The following ARHGAP15 variants were observed in gnomAD, a reference collection of about 807,000 sequenced individuals.
The protein encoded by ARHGAP15 is Rho GTPase activating protein 15.
ARHGAP15 carries 51 observed loss-of-function variants against 63.7 expected under a neutral mutation model. The observed-to-expected ratio is 0.80, with a 90% CI of 0.64 to 1.01. The LOEUF (loss-of-function observed/expected upper bound fraction) is 1.01. ARHGAP15 is among the 50% of genes least tolerant of loss of function. ARHGAP15 has a pLI of 0.00. For missense variants in ARHGAP15, 560 were observed against 564.6 expected (o/e 0.99, Z 0.08); for synonymous variants, 191 against 193.8 (o/e 0.99, Z 0.12).
At chr2:143,140,383 C>T (rs1001638737) in intron 1 of ARHGAP15, among the ~76,000 whole-genome samples, 1 of 152,054 alleles carries the variant, frequency 6.6e-6, no homozygotes, top group Non-Finnish European at 1.5e-5. Flanking sequence ...TAATATTTAT[C>T]ACATAAAACA....
chr2:143,383,003 C>G (rs1486378583), intron 6 of ARHGAP15, among the ~76,000 whole-genome samples: 1 of 152,142 alleles, frequency 6.6e-6, no homozygotes, highest in Non-Finnish European at 1.5e-5. Flanking sequence ...AGAAAATTAT[C>G]AAGTACCAGT....
chr2:143,229,065 G>A (rs992543814), intron 5 of ARHGAP15, among the ~76,000 whole-genome samples: 1 of 151,990 alleles, frequency 6.6e-6, no homozygotes, highest in South Asian at 2.1e-4. Context: ...ATGATACTAT[G>A]GGAAGCTGTT....
At chr2:143,409,917 C>A (rs1426463621) in intron 6 of ARHGAP15, among the ~76,000 whole-genome samples, 1 of 152,090 alleles carries the variant, frequency 6.6e-6, no homozygotes, top group African/African-American at 2.4e-5. Flanking sequence ...GTATCCCTGT[C>A]ATTAAGTGAT....
chr2:143,241,700 T>A (rs951600747), intron 5 of ARHGAP15, among the ~76,000 whole-genome samples: 9 of 152,244 alleles, frequency 5.9e-5, no homozygotes, highest in African/African-American at 1.9e-4. Context: ...ACACACATTT[T>A]GGTGGAGAAC....
At position 143,288,138 on chromosome 2, in the gene ARHGAP15, T is replaced by C. The variant is rs372477525; in HGVS notation, c.474+37538T>C. 3.7e-4 allele frequency among the ~76,000 whole-genome samples: 57 copies of C among 152,300 alleles called. No homozygotes were observed. In the East Asian group the frequency reaches 4.1e-3, roughly 11 times the overall value. On this transcript the variant is annotated intron_variant, in intron 6 of 13. Coordinates refer to ENST00000295095, the MANE Select transcript of ARHGAP15 (RefSeq NM_018460.4). ...AGCCCATATGGGAAAAAGTGCCATGTGATTCAATAGTATATAAATCGGCCT... is the reference window on the plus strand; with the variant it reads ...AGCCCATATGGGAAAAAGTGCCATGCGATTCAATAGTATATAAATCGGCCT...
chr2:143,539,032 T>C (rs1259676290), intron 10 of ARHGAP15, among the ~76,000 whole-genome samples: 1 of 152,210 alleles, frequency 6.6e-6, no homozygotes, highest in Non-Finnish European at 1.5e-5. Flanking sequence ...GTTGGTAAGC[T>C]ATTAATTATT....
At chr2:143,160,036 C>T (rs933110468) in intron 2 of ARHGAP15, among the ~76,000 whole-genome samples, 4 of 151,820 alleles carry the variant, frequency 2.6e-5, no homozygotes, top group African/African-American at 4.8e-5. Context: ...GCATTCTCAG[C>T]GCTCAGGGTA....
intron 8 of ARHGAP15, among the ~76,000 whole-genome samples, chr2:143,474,459 A>C (rs1398564368): frequency 6.6e-6 from 1 of 152,222 alleles, no homozygotes; most frequent in Non-Finnish European, 1.5e-5. Context: ...ATTTAGATTT[A>C]AATCTAAAAT....
At chr2:143,553,517 T>C (rs1209958306) in intron 10 of ARHGAP15, among the ~76,000 whole-genome samples, 1 of 152,226 alleles carries the variant, frequency 6.6e-6, no homozygotes, top group Non-Finnish European at 1.5e-5. Context: ...GTGACTCAGG[T>C]CTACAACCAC....
At chr2:143,164,328 C>T (rs1690415066) in intron 2 of ARHGAP15, among the ~76,000 whole-genome samples, 1 of 151,940 alleles carries the variant, frequency 6.6e-6, no homozygotes. Flanking sequence ...ACATGTAAGG[C>T]AAATACATTT....
At chr2:143,210,934 G>A (rs530698517) in intron 3 of ARHGAP15, among the ~76,000 whole-genome samples, 1 of 151,276 alleles carries the variant, frequency 6.6e-6, no homozygotes, top group African/African-American at 2.4e-5. Context: ...ATTTACATCA[G>A]ACAAAAACAT....
intron 9 of ARHGAP15, among the ~76,000 whole-genome samples, chr2:143,494,221 C>T (rs1351882357): frequency 2.0e-5 from 3 of 152,088 alleles, no homozygotes; most frequent in Non-Finnish European, 2.9e-5. Context: ...ATTAGATCAT[C>T]TGAATTGATG....
chr2:143,737,175 A>G (rs1685777571), intron 13 of ARHGAP15, among the ~76,000 whole-genome samples: 1 of 152,210 alleles, frequency 6.6e-6, no homozygotes, highest in African/African-American at 2.4e-5. Flanking sequence ...ATTGGTCAAT[A>G]TGTTTTACGG....
At chr2:143,138,997 G>C (rs372532808) in intron 1 of ARHGAP15, among the ~76,000 whole-genome samples, 1 of 151,838 alleles carries the variant, frequency 6.6e-6, no homozygotes, top group Non-Finnish European at 1.5e-5. Context: ...TGGATGCCAC[G>C]GCTCTAAACC....
At chr2:143,452,344 A>G (rs1690444797) in intron 8 of ARHGAP15, among the ~76,000 whole-genome samples, 1 of 151,940 alleles carries the variant, frequency 6.6e-6, no homozygotes, top group Admixed American at 6.6e-5. Flanking sequence ...CCCCTGATGG[A>G]GCAATCAATT....
intron 10 of ARHGAP15, among the ~76,000 whole-genome samples, chr2:143,542,050 G>T (rs534155530): frequency 6.6e-6 from 1 of 152,332 alleles, no homozygotes; most frequent in South Asian, 2.1e-4. Context: ...TGGCTGCTTT[G>T]CTTACCTACT....
chr2:143,209,147 C>A (rs1692471517), intron 3 of ARHGAP15, among the ~76,000 whole-genome samples: 2 of 152,102 alleles, frequency 1.3e-5, no homozygotes, highest in African/African-American at 4.8e-5. Context: ...GGGAATAGTT[C>A]TATTGATCAA....
intron 5 of ARHGAP15, among the ~76,000 whole-genome samples, chr2:143,230,417 C>T (rs1693389347): frequency 6.6e-6 from 1 of 152,164 alleles, no homozygotes; most frequent in Non-Finnish European, 1.5e-5. Context: ...AGTTAGCTCA[C>T]TAATTGCATG....
intron 13 of ARHGAP15, among the ~76,000 whole-genome samples, chr2:143,734,486 C>T (rs1471780024): frequency 6.6e-6 from 1 of 152,212 alleles, no homozygotes; most frequent in African/African-American, 2.4e-5. Flanking sequence ...ATAAATCCCC[C>T]TTTGTTCCCT....
Sources: allele counts gnomAD v4.1 joint callset (sites outside exome capture counted in the v4.1 genomes callset), GRCh38; gene constraint gnomAD v4.1.1; transcripts MANE v1.5; gene names NCBI Gene and HGNC (gene_info 2026-07-23, HGNC 2026-07-21).